The following TMEM131L variants were observed in gnomAD, a reference collection of about 807,000 sequenced individuals.
TMEM131L encodes the protein transmembrane 131 like.
A neutral mutation model predicts 192.2 loss-of-function variants in TMEM131L; 54 were observed. That is an observed-to-expected ratio of 0.28 (90% CI 0.23 to 0.35). The LOEUF (loss-of-function observed/expected upper bound fraction) is 0.35, where lower values mean the gene tolerates loss of function less well. Ranked by LOEUF, TMEM131L falls within the 10% of genes least tolerant of loss-of-function variation. The probability of loss-of-function intolerance (pLI) is 1.00; values close to 1 mark genes in which losing one functional copy is unlikely to be tolerated. For missense variants in TMEM131L, 1,888 were observed against 1,972.9 expected (o/e 0.96, Z 0.82); for synonymous variants, 701 against 704.9 (o/e 0.99, Z 0.09).
In TMEM131L at chr4:153,586,255, A is replaced by C; in HGVS notation, c.1358A>C (p.Asn453Thr). 2 of 1,601,086 alleles carry C rather than the reference A, an allele frequency of 1.2e-6. No homozygotes were observed. The highest frequency in any genetic ancestry group is 1.3e-5 in the African/African-American group (1 of 74,426). ...GPLFLPPGCW[N>T]IFSLKLAVKD... ...TTATTTCTACCTCCAGGCTGTTGGAATATATTTTCTTTGAAACTTGCTGTT... is the reference window on the plus strand; with the variant it reads ...TTATTTCTACCTCCAGGCTGTTGGACTATATTTTCTTTGAAACTTGCTGTT... The change falls in exon 14 of 35, where the codon AAT becomes ACT. Residue 453 changes from asparagine (N) to threonine (T), a missense_variant. By Grantham distance (65) the Asn-to-Thr change is moderately conservative (BLOSUM62 0). Coordinates refer to ENST00000409959, the MANE Select transcript of TMEM131L (RefSeq NM_001131007.2).
At chr4:153,633,031 TAAAA>T (rs3217466) in intron 32 of TMEM131L, among the ~76,000 whole-genome samples, 193 bp downstream of exon 32, 37,504 of 151,578 alleles carry the variant, frequency 0.25, 4,810 homozygotes, top group African/African-American at 0.31. Context: ...AAACATGAAA[TAAAA>T]GAAAGAAAGC....
chr4:153,487,633 C>T (rs1343422387), intron 3 of TMEM131L, among the ~76,000 whole-genome samples: 1 of 151,850 alleles, frequency 6.6e-6, no homozygotes. Context: ...ACTCACAGCA[C>T]AGGGTGGTAT....
At chr4:153,587,079 T>TTAAC (rs1730750150) in intron 14 of TMEM131L, among the ~76,000 whole-genome samples, 1 of 152,042 alleles carries the variant, frequency 6.6e-6, no homozygotes, top group Non-Finnish European at 1.5e-5. Flanking sequence ...TGCCTCATGC[T>TTAAC]TAACTAGCTG....
intron 25 of TMEM131L, among the ~76,000 whole-genome samples, chr4:153,608,280 G>T (rs898015307): frequency 2.0e-5 from 3 of 152,140 alleles, no homozygotes; most frequent in African/African-American, 7.2e-5. Context: ...TTCTACACTT[G>T]TTTTTTGGCA....
intron 15 of TMEM131L, 51 bp downstream of exon 15, chr4:153,587,862 G>C (rs1255136143): frequency 2.4e-6 from 3 of 1,237,652 alleles, no homozygotes; most frequent in East Asian, 2.3e-5. Flanking sequence ...TGGGGGATGG[G>C]AAATAGTGAG....
At chr4:153,485,515 C>T (rs894325122) in intron 3 of TMEM131L, among the ~76,000 whole-genome samples, 18 of 152,164 alleles carry the variant, frequency 1.2e-4, no homozygotes, top group African/African-American at 3.9e-4. Flanking sequence ...TAGTGTGTGG[C>T]CTGCCAAGTG....
intron 29 of TMEM131L, among the ~76,000 whole-genome samples, chr4:153,624,458 G>C (rs1561255110): frequency 6.6e-6 from 1 of 152,228 alleles, no homozygotes; most frequent in South Asian, 2.1e-4. Flanking sequence ...TCTATATGAA[G>C]ATGTAGTTCC....
intron 3 of TMEM131L, among the ~76,000 whole-genome samples, chr4:153,490,670 G>A (rs1732704516): frequency 6.6e-6 from 1 of 152,002 alleles, no homozygotes; most frequent in Admixed American, 6.6e-5. Context: ...TTTAAAAAAT[G>A]AGCGGCCGGG....
rs944772396 is a variant in TMEM131L, at chr4:153,603,333, C to G, written c.2670C>G (p.Ala890=). Residue 890 remains alanine, a synonymous_variant, in exon 24 of 35, where the codon GCC becomes GCG. Transcript: ENST00000409959. ...SLSLLGVILI[A]FQQAQYILME... The stretch of plus-strand genomic sequence containing the variant: ...CCCTGTTGGGTGTGATTTTAATAGC[C>G]TTCCAACAAGCACAGTACATTCTCA... 2 of 1,613,806 alleles carry G rather than the reference C, an allele frequency of 1.2e-6. No individual in the cohort carries two copies. The highest frequency in any genetic ancestry group is 1.7e-6 in the Non-Finnish European group (2 of 1,179,860).
chr4:153,521,378 G>T (rs548806978), intron 3 of TMEM131L, among the ~76,000 whole-genome samples: 2 of 152,190 alleles, frequency 1.3e-5, no homozygotes, highest in Admixed American at 6.5e-5. Context: ...GCTAGGAAGT[G>T]AGTCTACATT....
At chr4:153,509,620 TGAG>T (rs562662710) in intron 3 of TMEM131L, among the ~76,000 whole-genome samples, 1 of 152,176 alleles carries the variant, frequency 6.6e-6, no homozygotes, top group East Asian at 1.9e-4. Flanking sequence ...CAGCTACTCC[TGAG>T]GAGGAGGAAC....
At position 153,617,157 on chromosome 4, in the gene TMEM131L, C is replaced by T. The variant is rs538002130; in HGVS notation, c.3568-3599C>T. On this transcript the variant is annotated intron_variant, in intron 26 of 34. Transcript: ENST00000409959. ...GCTGTTCTCGTGATAGTAAGTCTCA[C>T]GAGATCTGATGGTTTTAAAAATGGG... Among the ~76,000 whole-genome samples the T allele has an allele frequency of 9.2e-5, 14 of 152,224 alleles. 1 individual carries two copies. The highest frequency in any genetic ancestry group is 2.4e-4 in the African/African-American group (10 of 41,544).
At chr4:153,476,958 C>G (rs1731584044) in intron 3 of TMEM131L, among the ~76,000 whole-genome samples, 1 of 152,108 alleles carries the variant, frequency 6.6e-6, no homozygotes. Flanking sequence ...TAAACGCCCA[C>G]AATTGTAAAT....
At chr4:153,588,783 C>T (rs1179642543) in intron 15 of TMEM131L, 107 bp from the exon 16 acceptor site, 2 of 649,864 alleles carry the variant, frequency 3.1e-6, no homozygotes, top group African/African-American at 3.6e-5. Flanking sequence ...TTTATTAACT[C>T]TACAGTCCTC....
rs774257758 is a variant in TMEM131L at position 153,603,944 on chromosome 4, A to C, written c.2932A>C (p.Lys978Gln). ...AGCCACCTATGGTCATTCTCAGAAGAAGCACAAATGCTCAGTGTATTACAG... is the reference window on the plus strand; with the variant it reads ...AGCCACCTATGGTCATTCTCAGAAGCAGCACAAATGCTCAGTGTATTACAG... Reference protein sequence around the residue: ...SPATYGHSQKKHKCSVYYSKH... With the variant: ...SPATYGHSQKQHKCSVYYSKH... Residue 978 changes from lysine to glutamine, a missense_variant, in exon 25 of 35, where the codon AAG becomes CAG. Physicochemically the swap from Lys to Gln is moderately conservative, Grantham distance 53 (BLOSUM62 1). Coordinates refer to ENST00000409959, the MANE Select transcript of TMEM131L (RefSeq NM_001131007.2). The C allele has an allele frequency of 5.0e-6, 8 of 1,613,976 alleles. No individual in the cohort carries two copies. The East Asian group carries it at 1.8e-4, about 36-fold the overall frequency.
chr4:153,505,878 CCA>C (rs1733950929), intron 3 of TMEM131L, among the ~76,000 whole-genome samples: 1 of 151,870 alleles, frequency 6.6e-6, no homozygotes, highest in Non-Finnish European at 1.5e-5. Context: ...AAGAGTGTGC[CCA>C]GGGTGTGGTG....
intron 2 of TMEM131L, among the ~76,000 whole-genome samples, chr4:153,469,786 C>A (rs191849241): frequency 1.3e-5 from 2 of 151,978 alleles, no homozygotes; most frequent in African/African-American, 4.8e-5. Context: ...ATTAGCCGGG[C>A]GTGGTGGTGC....
chr4:153,635,550 T>G lies in TMEM131L; in HGVS notation c.4536T>G (p.His1512Gln). ...CCAACATGCCTGCTGCCTGGGGACATGCCAGTTTCATCAGCTCTCCGGTCA... is the reference window on the plus strand; with the variant it reads ...CCAACATGCCTGCTGCCTGGGGACAGGCCAGTTTCATCAGCTCTCCGGTCA... The part of the protein sequence containing the change: ...TPPNMPAAWG[H>Q]ASFISSPPYL... Residue 1512 changes from histidine (H) to glutamine (Q), a missense_variant, in exon 34 of 35, where the codon CAT becomes CAG. Transcript: ENST00000409959. 6.2e-7 allele frequency: 1 copy of G among 1,614,200 alleles called. No homozygotes were observed. The highest frequency in any genetic ancestry group is 2.2e-5 in the East Asian group (1 of 44,892).
At chr4:153,562,008 A>T in intron 7 of TMEM131L, among the ~76,000 whole-genome samples, 1 of 150,384 alleles carries the variant, frequency 6.6e-6, no homozygotes, top group African/African-American at 2.4e-5. Context: ...AATTTCTTTC[A>T]CTTTTACTGT....
Sources: gnomAD v4.1 joint callset for allele counts (sites outside exome capture counted in the v4.1 genomes callset) on GRCh38, gnomAD v4.1.1 for gene constraint, MANE v1.5 for transcripts, NCBI Gene and HGNC (gene_info 2026-07-23, HGNC 2026-07-21) for gene names.